The following SCEL variants were observed in gnomAD, a reference collection of about 807,000 sequenced individuals.
SCEL encodes the protein sciellin.
Under a neutral mutation model 117.6 loss-of-function variants are expected in SCEL, and 113 were observed. The observed-to-expected ratio is 0.96, with a 90% CI of 0.83 to 1.12. The LOEUF (loss-of-function observed/expected upper bound fraction) is 1.12. Ranked by LOEUF, SCEL falls within the 50% of genes most tolerant of loss-of-function variation. The pLI is 0.00. For missense variants in SCEL, 785 were observed against 810.8 expected, an observed-to-expected ratio of 0.97 and a Z score of 0.39; for synonymous variants, 270 against 256.2, an observed-to-expected ratio of 1.05 and a Z score of -0.51.
chr13:77,620,102 T>C (rs1414746371), intron 27 of SCEL, among the ~76,000 whole-genome samples: 4 of 152,228 alleles, frequency 2.6e-5, no homozygotes, highest in African/African-American at 7.2e-5. Flanking sequence ...GGTTTTAAGA[T>C]GGCGGCTTGA....
chr13:77,574,969 C>G (rs2085854695), intron 9 of SCEL, among the ~76,000 whole-genome samples: 2 of 152,140 alleles, frequency 1.3e-5, no homozygotes, highest in Admixed American at 6.5e-5. Context: ...ACCACCTAAT[C>G]TTTCCCTGAA....
intron 27 of SCEL, among the ~76,000 whole-genome samples, chr13:77,619,128 A>G (rs1328978244): frequency 6.6e-6 from 1 of 152,202 alleles, no homozygotes; most frequent in Non-Finnish European, 1.5e-5. Context: ...CTGAAAGGAC[A>G]AAAAGAAATT....
At chr13:77,565,431 G>C (rs2085235767) in intron 5 of SCEL, among the ~76,000 whole-genome samples, 1 of 152,142 alleles carries the variant, frequency 6.6e-6, no homozygotes, top group Non-Finnish European at 1.5e-5. Context: ...AGCAGGCCCA[G>C]AGATTACATG....
Position 77,644,306 on chromosome 13 carries a change from C to G in SCEL, c.*32C>G. On this transcript the variant is annotated 3_prime_UTR_variant, in exon 33 of 33. Coordinates refer to ENST00000349847, the MANE Select transcript of SCEL (RefSeq NM_144777.3). ...CACAAGGAAATCAAGATGAAAAGCACTCATTAAGGAATTAAAGTTACAAGT... is the reference window on the plus strand; with the variant it reads ...CACAAGGAAATCAAGATGAAAAGCAGTCATTAAGGAATTAAAGTTACAAGT... 1.2e-6 allele frequency: 2 copies of G among 1,607,790 alleles called. No homozygotes were observed. The highest frequency in any genetic ancestry group is 2.7e-5 in the African/African-American group (2 of 74,842).
chr13:77,615,963 C>T (rs569248278), intron 24 of SCEL, among the ~76,000 whole-genome samples: 1 of 147,322 alleles, frequency 6.8e-6, no homozygotes, highest in East Asian at 2.0e-4. Context: ...TATGAGAGTT[C>T]TTAGGTAGTA....
intron 9 of SCEL, among the ~76,000 whole-genome samples, chr13:77,575,659 A>G (rs990689785): frequency 2.6e-5 from 4 of 152,182 alleles, no homozygotes; most frequent in African/African-American, 9.7e-5. Flanking sequence ...CTAATTCATA[A>G]CAGCAAGACA....
In SCEL at chr13:77,627,993, GA is replaced by G; in HGVS notation, c.1679del (p.Asn560ThrfsTer71). 1 of 1,504,244 alleles carries G rather than the reference GA, an allele frequency of 6.6e-7. No individual in the cohort carries two copies. The highest frequency in any genetic ancestry group is 9.0e-7 in the Non-Finnish European group (1 of 1,109,782). The allele number at this position is 1,504,244 out of a possible 1,614,324, so 93.2% of individuals were successfully genotyped here. ...NLIEVNSHVS[E>X]NKNGSSNTGA... ...AATTGAAGTAAATTCTCATGTGTCTGAAAACAAGAATGGAAGGTAAAGCTTA... is the reference window on the plus strand; with the variant it reads ...AATTGAAGTAAATTCTCATGTGTCTGAAACAAGAATGGAAGGTAAAGCTTA... On this transcript the variant is annotated frameshift_variant, in exon 28 of 33. Coordinates refer to ENST00000349847, the MANE Select transcript of SCEL (RefSeq NM_144777.3). LOFTEE classifies it high-confidence loss of function.
chr13:77,597,652 C>T (rs2087326238), intron 13 of SCEL, 63 bp downstream of exon 13: 1 of 925,454 alleles, frequency 1.1e-6, no homozygotes, highest in Non-Finnish European at 1.6e-6. Context: ...TTATGCCTTT[C>T]CAGTCTTTGA....
At position 77,564,487 on chromosome 13, in the gene SCEL, G is replaced by GA. The variant is rs529628784; in HGVS notation, c.290+592dup. ...GAGGGAAAGGGCTCATCTCTACAGG[G>GA]AAAATAGGGCAACTTCTATTCAGGT... On this transcript the variant is annotated intron_variant, in intron 5 of 32. Coordinates refer to ENST00000349847, the MANE Select transcript of SCEL (RefSeq NM_144777.3). Among the ~76,000 whole-genome samples the GA allele has an allele frequency of 8.0e-4, 122 of 152,210 alleles. 1 individual carries two copies. Among genetic ancestry groups the GA allele is most frequent in the African/African-American group, 2.7e-3 (112 of 41,536 alleles).
intron 1 of SCEL, among the ~76,000 whole-genome samples, chr13:77,553,961 T>G (rs1465002306): frequency 6.6e-6 from 1 of 152,158 alleles, no homozygotes; most frequent in Non-Finnish European, 1.5e-5. Context: ...TGGTTATTCA[T>G]GCAGCAAACA....
At chr13:77,568,265 T>A in intron 6 of SCEL, 30 bp from the exon 7 acceptor site, 1 of 1,488,822 alleles carries the variant, frequency 6.7e-7, no homozygotes, top group Non-Finnish European at 9.3e-7. Context: ...TCTTCATTGT[T>A]CAAACTTTGC....
intron 15 of SCEL, 188 bp downstream of exon 15, chr13:77,599,936 GT>G: frequency 1.8e-6 from 1 of 559,398 alleles, no homozygotes; most frequent in Non-Finnish European, 3.2e-6. Flanking sequence ...CCCTGGGCAA[GT>G]TGTGTAATTT....
intron 1 of SCEL, among the ~76,000 whole-genome samples, chr13:77,540,641 C>T (rs938922335): frequency 2.0e-5 from 3 of 152,126 alleles, no homozygotes; most frequent in Non-Finnish European, 4.4e-5. Context: ...AGCAATAGCT[C>T]ACAGGTGATG....
intron 9 of SCEL, among the ~76,000 whole-genome samples, chr13:77,573,729 T>A (rs1454448500): frequency 6.6e-6 from 1 of 152,134 alleles, no homozygotes; most frequent in Non-Finnish European, 1.5e-5. Flanking sequence ...TCTACCTATC[T>A]ATAACTAAAT....
chr13:77,589,076 T>G (rs1311275057), intron 9 of SCEL, 68 bp from the exon 10 acceptor site: 1 of 1,131,380 alleles, frequency 8.8e-7, no homozygotes, highest in African/African-American at 1.6e-5. Flanking sequence ...ATAAATGCAT[T>G]CAGTTAATAG....
At chr13:77,626,328 C>A (rs991277376) in intron 27 of SCEL, among the ~76,000 whole-genome samples, 1 of 152,170 alleles carries the variant, frequency 6.6e-6, no homozygotes, top group Admixed American at 6.5e-5. Flanking sequence ...GGGATTATTA[C>A]AATTCAAGGT....
intron 9 of SCEL, among the ~76,000 whole-genome samples, chr13:77,584,368 A>G (rs1407165589): frequency 6.6e-6 from 1 of 152,214 alleles, no homozygotes; most frequent in Non-Finnish European, 1.5e-5. Context: ...AATGGAAGTC[A>G]ACATGGCATC....
chr13:77,582,549 C>T (rs771792895), intron 9 of SCEL, among the ~76,000 whole-genome samples: 6 of 152,104 alleles, frequency 3.9e-5, no homozygotes, highest in Non-Finnish European at 8.8e-5. Flanking sequence ...ATCATTTGCT[C>T]ATTTTATTCC....
intron 4 of SCEL, among the ~76,000 whole-genome samples, chr13:77,560,267 A>AG (rs2084905241): frequency 6.8e-6 from 1 of 146,578 alleles, no homozygotes; most frequent in Admixed American, 6.8e-5. Flanking sequence ...CCTGCCTCTA[A>AG]AAAAAAAAAA....
Sources: allele counts gnomAD v4.1 joint callset (sites outside exome capture counted in the v4.1 genomes callset), GRCh38; gene constraint gnomAD v4.1.1; transcripts MANE v1.5; gene names NCBI Gene and HGNC (gene_info 2026-07-23, HGNC 2026-07-21).